Variants in AQR observed in about 807,000 individuals in gnomAD.
AQR encodes the protein aquarius intron-binding spliceosomal factor.
AQR carries 61 observed loss-of-function variants against 180.5 expected under a neutral mutation model. The ratio of observed to expected loss-of-function variants is 0.34; its 90% CI spans 0.28 to 0.42. AQR has a LOEUF of 0.42. Among genes scored for constraint, AQR ranks in the 10% least tolerant of loss-of-function variants. The pLI is 1.00. For missense variants in AQR, 1,281 were observed against 1,798.3 expected, an observed-to-expected ratio of 0.71 and a Z score of 5.20; for synonymous variants, 551 against 588.8, an observed-to-expected ratio of 0.94 and a Z score of 0.93.
chr15:34,910,065 T>C, intron 17 of AQR, 70 bp downstream of exon 17: 3 of 1,528,150 alleles, frequency 2.0e-6, no homozygotes, highest in Admixed American at 3.4e-5. Context: ...TAAAAGTACT[T>C]TGTTAATGCT....
At chr15:34,918,733 T>C (rs777638061) in intron 14 of AQR, among the ~76,000 whole-genome samples, 17 of 152,276 alleles carry the variant, frequency 1.1e-4, no homozygotes, top group Admixed American at 2.6e-4. Context: ...CCCTGGCACA[T>C]GCCAAGGGTT....
rs555128619 is a variant in AQR, at chr15:34,852,107, A to C, written c.*4685T>G. On this transcript the variant is annotated 3_prime_UTR_variant, in exon 35 of 35. Coordinates refer to ENST00000156471, the MANE Select transcript of AQR (RefSeq NM_014691.3). ...AATGTATTTTGGGGCTTTATCTTTAAAGGGCGATTCACAGTTCTAGCCAAT... is the reference window on the plus strand; with the variant it reads ...AATGTATTTTGGGGCTTTATCTTTACAGGGCGATTCACAGTTCTAGCCAAT... 3.3e-5 allele frequency: 5 copies of C among 152,228 alleles called. No individual in the cohort carries two copies. Among genetic ancestry groups the C allele is most frequent in the African/African-American group, 4.8e-5 (2 of 41,518 alleles). The allele number at this position is 152,228 out of a possible 1,614,324, so 9.4% of individuals were successfully genotyped here. A position where few individuals can be genotyped will look rare whatever the true frequency, so the allele number is the denominator to read the frequency against.
At chr15:34,897,024 A>T in intron 21 of AQR, 58 bp from the exon 22 acceptor site, 16 of 1,373,692 alleles carry the variant, frequency 1.2e-5, no homozygotes, top group Non-Finnish European at 1.6e-5. Context: ...GTATAATACA[A>T]ATTTAGACAA....
At chr15:34,954,103 A>G (rs1471719460) in intron 3 of AQR, among the ~76,000 whole-genome samples, 1 of 152,012 alleles carries the variant, frequency 6.6e-6, no homozygotes, top group Non-Finnish European at 1.5e-5. Context: ...TTTAGTAGAG[A>G]TAGGGGTTTC....
intron 5 of AQR, among the ~76,000 whole-genome samples, chr15:34,944,738 GAAGTGTTTTA>G (rs1266598601): frequency 6.6e-6 from 1 of 152,158 alleles, no homozygotes; most frequent in Non-Finnish European, 1.5e-5. Flanking sequence ...TTAAGGATCT[GAAGTGTTTTA>G]ATTTCTCTGA....
intron 30 of AQR, among the ~76,000 whole-genome samples, chr15:34,871,974 A>G (rs1409377279): frequency 6.6e-6 from 1 of 151,562 alleles, no homozygotes; most frequent in African/African-American, 2.4e-5. Context: ...AAAAAAAAGG[A>G]AGCTGGATTT....
intron 33 of AQR, among the ~76,000 whole-genome samples, chr15:34,861,827 A>G (rs1892674819): frequency 6.6e-6 from 1 of 152,198 alleles, no homozygotes; most frequent in Non-Finnish European, 1.5e-5. Context: ...CACTTTTTAT[A>G]AAGTACTTAT....
chr15:34,854,785 T>C lies in AQR; in HGVS notation c.*2007A>G, dbSNP rs1892564779. The stretch of plus-strand genomic sequence containing the variant: ...CTAGGCAAGAGTGATGTACATTGCT[T>C]GGACAATAGTTAAGGAGAGAGCACT... On this transcript the variant is annotated 3_prime_UTR_variant, in exon 35 of 35. Coordinates refer to ENST00000156471, the MANE Select transcript of AQR (RefSeq NM_014691.3). 6.6e-6 allele frequency: 1 copy of C among 152,210 alleles called. No individual in the cohort carries two copies. Among genetic ancestry groups the C allele is most frequent in the African/African-American group, 2.4e-5 (1 of 41,460 alleles). The allele number at this position is 152,210 out of a possible 1,614,324, so 9.4% of individuals were successfully genotyped here.
chr15:34,881,821 T>C (rs755211954), intron 27 of AQR, among the ~76,000 whole-genome samples: 5 of 152,192 alleles, frequency 3.3e-5, no homozygotes, highest in Non-Finnish European at 7.3e-5. Flanking sequence ...TTGATTTTGT[T>C]TTGAGATAGA....
rs1347267708 is a variant in AQR, at chr15:34,904,383, T to C, written c.1954A>G (p.Thr652Ala). ...IQNGAEDVYE[T>A]FNIIMRRKPK... ...TTTCTCCTCATTATTATATTAAAAG[T>C]TTCATACACATCCTCTGCTCCATTT... is the stretch of plus-strand genomic sequence containing the variant. Residue 652 changes from threonine to alanine, a missense_variant, in exon 19 of 35, where the codon ACT (threonine) becomes GCT (alanine). By Grantham distance (58) the Thr-to-Ala change is moderately conservative (BLOSUM62 0). Coordinates refer to ENST00000156471, the MANE Select transcript of AQR (RefSeq NM_014691.3). 3.7e-6 allele frequency: 6 copies of C among 1,607,946 alleles called. No individual in the cohort carries two copies. The highest frequency in any genetic ancestry group is 3.3e-4 in the Middle Eastern group (2 of 6,020).
At chr15:34,890,180 C>T in intron 24 of AQR, 35 bp downstream of exon 24, 1 of 1,519,730 alleles carries the variant, frequency 6.6e-7, no homozygotes, top group Non-Finnish European at 8.9e-7. Context: ...ATAAAAAATC[C>T]TTTTTTACAC....
chr15:34,946,709 G>A (rs1365814073), intron 5 of AQR, among the ~76,000 whole-genome samples: 1 of 137,804 alleles, frequency 7.3e-6, no homozygotes, highest in African/African-American at 2.7e-5. Flanking sequence ...GGGAGGTGGG[G>A]GGGTCAGCCC....
At chr15:34,911,109 C>T (rs1893492928) in intron 16 of AQR, among the ~76,000 whole-genome samples, 1 of 152,104 alleles carries the variant, frequency 6.6e-6, no homozygotes, top group Non-Finnish European at 1.5e-5. Flanking sequence ...AAAAGGATTT[C>T]CTTCTTTTTA....
rs530746426 is a variant in AQR, at chr15:34,882,018, C to A, written c.3165+484G>T. The stretch of plus-strand genomic sequence containing the variant: ...ACGGGGTTTCACCATGCTGGCCAGG[C>A]TGGTCTCAAACTCCTGACCTCAAGT... On this transcript the variant is annotated intron_variant, in intron 27 of 34. Transcript: ENST00000156471. 4.2e-3 allele frequency among the ~76,000 whole-genome samples: 634 copies of A among 152,242 alleles called. 2 individuals are homozygous for A. The highest frequency in any genetic ancestry group is 6.1e-3 in the Non-Finnish European group (417 of 68,012).
chr15:34,940,861 A>G, intron 8 of AQR, 38 bp downstream of exon 8: 1 of 1,490,636 alleles, frequency 6.7e-7, no homozygotes, highest in East Asian at 2.3e-5. Flanking sequence ...ACAATCCAGC[A>G]TAATAAGCCA....
chr15:34,886,202 T>G (rs934435626), intron 25 of AQR, among the ~76,000 whole-genome samples: 2 of 152,160 alleles, frequency 1.3e-5, no homozygotes, highest in Non-Finnish European at 2.9e-5. Context: ...TGCCACTGGC[T>G]AGCTAGAATA....
At chr15:34,922,630 T>G (rs558182950) in intron 13 of AQR, among the ~76,000 whole-genome samples, 1 of 151,348 alleles carries the variant, frequency 6.6e-6, no homozygotes, top group Non-Finnish European at 1.5e-5. Flanking sequence ...TATAGCTCAC[T>G]GCGGCCTCGA....
chr15:34,939,737 T>C (rs1893996043), intron 8 of AQR, among the ~76,000 whole-genome samples: 1 of 152,234 alleles, frequency 6.6e-6, no homozygotes, highest in African/African-American at 2.4e-5. Flanking sequence ...CAATTAGTAA[T>C]ACATGCCAGT....
intron 4 of AQR, 45 bp from the exon 5 acceptor site, chr15:34,948,429 C>T: frequency 3.8e-6 from 6 of 1,595,002 alleles, no homozygotes; most frequent in Non-Finnish European, 5.1e-6. Flanking sequence ...GTTACCACCA[C>T]TCACTGTAAT....
Sources: allele counts gnomAD v4.1 joint callset (sites outside exome capture counted in the v4.1 genomes callset), GRCh38; gene constraint gnomAD v4.1.1; transcripts MANE v1.5; gene names NCBI Gene and HGNC (gene_info 2026-07-23, HGNC 2026-07-21).